Variants in RBM27 observed in about 807,000 individuals in gnomAD.
RBM27 encodes the protein RNA binding motif protein 27.
A neutral mutation model predicts 135.3 loss-of-function variants in RBM27; 22 were observed. The ratio of observed to expected loss-of-function variants is 0.16; its 90% CI spans 0.12 to 0.23. The LOEUF (loss-of-function observed/expected upper bound fraction) is 0.23. RBM27 is among the 10% of genes least tolerant of loss of function. The probability of loss-of-function intolerance (pLI) is 1.00; values close to 1 mark genes in which losing one functional copy is unlikely to be tolerated. For missense variants in RBM27, 1,009 were observed against 1,281.0 expected, an observed-to-expected ratio of 0.79 and a Z score of 3.24; for synonymous variants, 481 against 442.4, an observed-to-expected ratio of 1.09 and a Z score of -1.10.
chr5:146,246,390 A>G (rs534959388), intron 8 of RBM27, among the ~76,000 whole-genome samples: 2 of 152,334 alleles, frequency 1.3e-5, no homozygotes, highest in African/African-American at 4.8e-5. Flanking sequence ...TATATGAACA[A>G]TTTAAGATGG....
chr5:146,247,944 C>T (rs1340036021), intron 8 of RBM27, among the ~76,000 whole-genome samples: 1 of 152,146 alleles, frequency 6.6e-6, no homozygotes, highest in Non-Finnish European at 1.5e-5. Context: ...GTTTCTTCTA[C>T]ATTTATTGCT....
chr5:146,269,155 A>G, intron 15 of RBM27, 52 bp from the exon 16 acceptor site: 2 of 1,361,810 alleles, frequency 1.5e-6, no homozygotes, highest in Admixed American at 1.9e-5. Flanking sequence ...AAATGAGTTG[A>G]GAATGGTGGC....
At chr5:146,225,567 GTTTT>G (rs5871958) in intron 3 of RBM27, among the ~76,000 whole-genome samples, 1 of 133,580 alleles carries the variant, frequency 7.5e-6, no homozygotes. Context: ...TTACCTTTCT[GTTTT>G]TTTTTTTTTT....
At chr5:146,280,208 C>T (rs928759359) in intron 19 of RBM27, among the ~76,000 whole-genome samples, 7 of 152,022 alleles carry the variant, frequency 4.6e-5, no homozygotes, top group Admixed American at 3.9e-4. Flanking sequence ...TAGGCATGCA[C>T]CACCGCGCCC....
intron 8 of RBM27, among the ~76,000 whole-genome samples, chr5:146,243,238 C>T (rs1364255616): frequency 1.3e-5 from 2 of 151,846 alleles, no homozygotes; most frequent in East Asian, 3.9e-4. Context: ...TGCACTCTAG[C>T]CTGGGCAACA....
intron 10 of RBM27, among the ~76,000 whole-genome samples, chr5:146,255,708 C>A (rs975628586): frequency 6.6e-6 from 1 of 152,056 alleles, no homozygotes; most frequent in Non-Finnish European, 1.5e-5. Flanking sequence ...GATGAGATTC[C>A]AGTTTTTTTC....
At chr5:146,260,212 T>G (rs537378949) in intron 11 of RBM27, among the ~76,000 whole-genome samples, 2 of 151,516 alleles carry the variant, frequency 1.3e-5, no homozygotes, top group African/African-American at 2.4e-5. Flanking sequence ...GGCAGGAGAA[T>G]CACTTGAACT....
rs932485317 is a variant in RBM27, at chr5:146,283,962, C to T, written c.2989-660C>T. 1.6e-4 allele frequency among the ~76,000 whole-genome samples: 25 copies of T among 152,188 alleles called. 1 individual carries two copies. In the East Asian group the frequency reaches 4.8e-3, roughly 29 times the overall value. On this transcript the variant is annotated intron_variant, in intron 19 of 20. Coordinates refer to ENST00000265271, the MANE Select transcript of RBM27 (RefSeq NM_018989.2). The stretch of plus-strand genomic sequence containing the variant: ...TTTCTGAAACTTTGGATCCCTAGTC[C>T]CTTGTCTGTGTTGCTTTGTCTTTAA...
At chr5:146,248,789 GTTTTAAAAACAGACAT>G (rs1319619128) in intron 8 of RBM27, among the ~76,000 whole-genome samples, 2 of 152,084 alleles carry the variant, frequency 1.3e-5, no homozygotes, top group African/African-American at 4.8e-5. Flanking sequence ...TTTGTCAGTA[GTTTTAAAAACAGACAT>G]TGGGCAAAGT....
In RBM27 at chr5:146,271,674, A is replaced by G. The variant is rs377048800; in HGVS notation, c.2988A>G (p.Ser996=). The G allele has an allele frequency of 5.6e-6, 9 of 1,608,906 alleles. No homozygotes were observed. Among genetic ancestry groups the G allele is most frequent in the Non-Finnish European group, 7.7e-6 (9 of 1,175,912 alleles). The change falls in exon 19 of 21, where the codon TCA becomes TCG. Residue 996 remains serine (S), a splice_region_variant and synonymous_variant. Coordinates refer to ENST00000265271, the MANE Select transcript of RBM27 (RefSeq NM_018989.2). ...AAGAAGACTTGCTTCAGCATTTCTC[A>G]GTAAGTTTTTAAAATAGCAAATGCT... ...EEKEDLLQHF[S]TANQGPKFKD... is the part of the protein sequence containing the mutation.
At chr5:146,219,305 C>T (rs578019070) in intron 2 of RBM27, among the ~76,000 whole-genome samples, 85 of 152,308 alleles carry the variant, frequency 5.6e-4, no homozygotes, top group African/African-American at 1.9e-3. Context: ...CTGCTTTCCT[C>T]TATTGAGGCA....
intron 4 of RBM27, 144 bp from the exon 5 acceptor site, chr5:146,229,573 G>T: frequency 1.7e-6 from 1 of 586,806 alleles, no homozygotes; most frequent in Non-Finnish European, 2.9e-6. Flanking sequence ...TATTTGATTA[G>T]AGGAATTATG....
chr5:146,237,539 A>T, intron 8 of RBM27, 107 bp downstream of exon 8: 1 of 1,253,372 alleles, frequency 8.0e-7, no homozygotes, highest in Non-Finnish European at 1.1e-6. Flanking sequence ...GTTCTTATGG[A>T]TTCTAAAAAT....
At chr5:146,229,619 T>A in intron 4 of RBM27, 98 bp from the exon 5 acceptor site, 2 of 976,234 alleles carry the variant, frequency 2.0e-6, no homozygotes, top group Non-Finnish European at 3.0e-6. Flanking sequence ...AGCATAGATA[T>A]GCATTTGGAT....
intron 3 of RBM27, among the ~76,000 whole-genome samples, chr5:146,226,160 G>A (rs1331984123): frequency 1.3e-5 from 2 of 151,324 alleles, no homozygotes; most frequent in African/African-American, 2.4e-5. Flanking sequence ...GAGCCACTGC[G>A]CCAGGGCTGG....
chr5:146,233,825 A>C, intron 7 of RBM27, 82 bp downstream of exon 7: 1 of 963,268 alleles, frequency 1.0e-6, no homozygotes, highest in Non-Finnish European at 1.4e-6. Flanking sequence ...ACACTCGTTT[A>C]AAGTGTTTGA....
chr5:146,226,791 T>C (rs1175897744), intron 3 of RBM27, among the ~76,000 whole-genome samples: 1 of 152,220 alleles, frequency 6.6e-6, no homozygotes, highest in Non-Finnish European at 1.5e-5. Flanking sequence ...ATAATGCCAG[T>C]TTCTGTGTAG....
At chr5:146,272,954 G>C (rs1758934585) in intron 19 of RBM27, among the ~76,000 whole-genome samples, 1 of 152,184 alleles carries the variant, frequency 6.6e-6, no homozygotes, top group South Asian at 2.1e-4. Flanking sequence ...TAAAGTGGGA[G>C]AATAGCTCTA....
intron 3 of RBM27, among the ~76,000 whole-genome samples, chr5:146,227,405 T>C (rs1756726872): frequency 6.6e-6 from 1 of 152,166 alleles, no homozygotes; most frequent in Admixed American, 6.5e-5. Flanking sequence ...TGTAGTCTAG[T>C]GAGTGTGTAG....
Sources: gnomAD v4.1 joint callset for allele counts (sites outside exome capture counted in the v4.1 genomes callset) on GRCh38, gnomAD v4.1.1 for gene constraint, MANE v1.5 for transcripts, NCBI Gene and HGNC (gene_info 2026-07-23, HGNC 2026-07-21) for gene names.